TFAP2D: variants seen among roughly 807,000 people sequenced by gnomAD.
The protein encoded by TFAP2D is transcription factor AP-2-delta.
A neutral mutation model predicts 43.6 loss-of-function variants in TFAP2D; 9 were observed. That is an observed-to-expected ratio of 0.21 (90% CI 0.12 to 0.36). TFAP2D has a LOEUF of 0.36. Ranked by LOEUF, TFAP2D falls within the 10% of genes least tolerant of loss-of-function variation. The pLI is 1.00. For missense variants in TFAP2D, 513 were observed against 561.4 expected, an observed-to-expected ratio of 0.91 and a Z score of 0.87; for synonymous variants, 256 against 224.9, an observed-to-expected ratio of 1.14 and a Z score of -1.24.
At chr6:50,765,262 T>A (rs1272315873) in intron 7 of TFAP2D, among the ~76,000 whole-genome samples, 2 of 152,204 alleles carry the variant, frequency 1.3e-5, no homozygotes, top group Non-Finnish European at 2.9e-5. Context: ...AAAATTGCCT[T>A]CTTTGTTATG....
At chr6:50,754,344 ATGTGTG>A (rs146556247) in intron 7 of TFAP2D, among the ~76,000 whole-genome samples, 1 of 148,186 alleles carries the variant, frequency 6.7e-6, no homozygotes, top group Non-Finnish European at 1.5e-5. Context: ...GTGTGTGTGT[ATGTGTG>A]TGTGTGTGTG....
Position 50,740,472 on chromosome 6 carries a change from C to T in TFAP2D, c.884-4635C>T, listed in dbSNP as rs1174720651. Among the ~76,000 whole-genome samples the T allele has an allele frequency of 2.6e-5, 4 of 152,048 alleles. No individual in the cohort carries two copies. The East Asian group carries it at 5.8e-4, about 22-fold the overall frequency. On this transcript the variant is annotated intron_variant, in intron 5 of 7. Transcript: ENST00000008391. ...GTTTTGAGATGTAGTCTCACTTTGT[C>T]GCCCAGGCTGGAGTGTAGTGGCACA...
At chr6:50,763,019 C>A (rs1244064154) in intron 7 of TFAP2D, among the ~76,000 whole-genome samples, 1 of 152,012 alleles carries the variant, frequency 6.6e-6, no homozygotes, top group Non-Finnish European at 1.5e-5. Flanking sequence ...ATGAATAGCC[C>A]TTCAGTCAGA....
chr6:50,714,173 C>A (rs1388212280), intron 1 of TFAP2D, 79 bp downstream of exon 1: 1 of 1,389,408 alleles, frequency 7.2e-7, no homozygotes, highest in Non-Finnish European at 9.9e-7. Context: ...GTGGCGGCGG[C>A]GGTGGCAGCC....
intron 2 of TFAP2D, among the ~76,000 whole-genome samples, chr6:50,716,821 C>T (rs556972436): frequency 3.3e-4 from 51 of 152,272 alleles, no homozygotes; most frequent in African/African-American, 9.9e-4. Flanking sequence ...AAGTTGGAGA[C>T]GTAAGAGATC....
chr6:50,719,048 A>G lies in TFAP2D; in HGVS notation c.538-42A>G, dbSNP rs546241921. ...CTTTACCTACGTGGTCATGCATATG[A>G]GTATCCATTTAAGTAATTTTATTTC... On this transcript the variant is annotated intron_variant, in intron 2 of 7. Coordinates refer to ENST00000008391, the MANE Select transcript of TFAP2D (RefSeq NM_172238.4). 3.1e-6 allele frequency: 5 copies of G among 1,592,014 alleles called. No individual in the cohort carries two copies. The East Asian group carries it at 1.1e-4, about 36-fold the overall frequency.
chr6:50,758,188 A>T (rs1040278215), intron 7 of TFAP2D, among the ~76,000 whole-genome samples: 2 of 151,840 alleles, frequency 1.3e-5, no homozygotes, highest in Non-Finnish European at 1.5e-5. Context: ...GGAAATAAGG[A>T]ATGTATAGAC....
intron 5 of TFAP2D, among the ~76,000 whole-genome samples, chr6:50,733,036 T>A (rs1383006382): frequency 6.6e-6 from 1 of 152,046 alleles, no homozygotes. Flanking sequence ...AATTCACAAC[T>A]TTTCTGTTAC....
In TFAP2D at chr6:50,717,638, C is replaced by G. The variant is rs550114920; in HGVS notation, c.538-1452C>G. ...GAAATATAGTACTGTGTGTGATATA[C>G]GTTTATACCTTTACATAGATATATC... On this transcript the variant is annotated intron_variant, in intron 2 of 7. Transcript: ENST00000008391. 2.6e-5 allele frequency among the ~76,000 whole-genome samples: 4 copies of G among 152,222 alleles called. No homozygotes were observed. The East Asian group carries it at 7.7e-4, about 29-fold the overall frequency.
chr6:50,772,261 G>A (rs1458125605), intron 7 of TFAP2D, among the ~76,000 whole-genome samples: 2 of 152,052 alleles, frequency 1.3e-5, no homozygotes, highest in East Asian at 1.9e-4. Context: ...GGAGGGGGGA[G>A]GGATAGCATT....
rs1768571001 is a variant in TFAP2D at position 50,713,981 on chromosome 6, G to T, written c.-75G>T. On this transcript the variant is annotated 5_prime_UTR_variant, in exon 1 of 8. Coordinates refer to ENST00000008391, the MANE Select transcript of TFAP2D (RefSeq NM_172238.4). ...TTCCTTTAAAAATTGGAAAATACAA[G>T]AAGTTTGGATTTTTTTTTCCCGATT... 1 of 1,589,416 alleles carries T rather than the reference G, an allele frequency of 6.3e-7. No individual in the cohort carries two copies. The highest frequency in any genetic ancestry group is 1.4e-5 in the African/African-American group (1 of 73,672).
intron 7 of TFAP2D, among the ~76,000 whole-genome samples, chr6:50,757,987 T>C (rs1769313156): frequency 6.6e-6 from 1 of 150,916 alleles, no homozygotes; most frequent in African/African-American, 2.4e-5. Context: ...TGTAAATAAA[T>C]GTAGATTATA....
intron 3 of TFAP2D, among the ~76,000 whole-genome samples, chr6:50,725,679 CTCA>C (rs1384482835): frequency 4.6e-5 from 7 of 152,148 alleles, no homozygotes; most frequent in Admixed American, 3.3e-4. Context: ...TCTTTGAGAT[CTCA>C]TCATTACCAT....
intron 7 of TFAP2D, among the ~76,000 whole-genome samples, chr6:50,763,164 A>C (rs910917611): frequency 6.6e-6 from 1 of 152,200 alleles, no homozygotes; most frequent in Admixed American, 6.6e-5. Context: ...GTTTTTCAGA[A>C]CTTTGGTTCT....
At chr6:50,752,138 A>G (rs1371406499) in intron 7 of TFAP2D, among the ~76,000 whole-genome samples, 3 of 151,934 alleles carry the variant, frequency 2.0e-5, no homozygotes, top group Non-Finnish European at 4.4e-5. Context: ...ACCACACAAG[A>G]GCATGAAATG....
At chr6:50,721,742 C>G (rs369183424) in intron 3 of TFAP2D, among the ~76,000 whole-genome samples, 2 of 152,244 alleles carry the variant, frequency 1.3e-5, no homozygotes, top group African/African-American at 4.8e-5. Flanking sequence ...CATGCTTGAC[C>G]CACCACATGA....
chr6:50,723,558 A>G (rs1393965557), intron 3 of TFAP2D, among the ~76,000 whole-genome samples: 4 of 152,190 alleles, frequency 2.6e-5, no homozygotes, highest in Admixed American at 2.6e-4. Context: ...AGAGCCAGAG[A>G]TACACCTCAA....
Position 50,715,484 on chromosome 6 carries a change from C to T in TFAP2D, c.408C>T (p.Cys136=), listed in dbSNP as rs1419451858. The change falls in exon 2 of 8, where the codon TGC becomes TGT. Residue 136 remains cysteine (C), a synonymous_variant. Transcript: ENST00000008391. Reference sequence around the variant, plus strand: ...ACGAGCAGAGGCGGGAGCTGGGCTGCCTCGATGCCTACCGCCGCCATGACC... The same window carrying T: ...ACGAGCAGAGGCGGGAGCTGGGCTGTCTCGATGCCTACCGCCGCCATGACC... ...CLDEQRRELG[C]LDAYRRHDLS... is the part of the protein sequence containing the mutation. 4.3e-6 allele frequency: 7 copies of T among 1,613,834 alleles called. No individual in the cohort carries two copies. Among genetic ancestry groups the T allele is most frequent in the Non-Finnish European group, 4.2e-6 (5 of 1,180,034 alleles).
Position 50,728,915 on chromosome 6 carries a change from C to T in TFAP2D, c.658C>T (p.Leu220Phe). 6.2e-7 allele frequency: 1 copy of T among 1,614,074 alleles called. No homozygotes were observed. The highest frequency in any genetic ancestry group is 8.5e-7 in the Non-Finnish European group (1 of 1,179,954). The change falls in exon 4 of 8, where the codon CTT becomes TTT. Residue 220 changes from leucine to phenylalanine, a missense_variant. Leu to Phe is a conservative substitution (Grantham distance 22). Around this residue, in one of 3 missense-constraint regions of TFAP2D, gnomAD observed 311 missense variants for 316.2 expected, o/e 0.98. Transcript: ENST00000008391. The part of the protein sequence containing the change: ...LFCSVPGRLS[L>F]LSSTSKYKVT... The stretch of plus-strand genomic sequence containing the variant: ...TTGCTCTGTCCCTGGCCGTTTGTCC[C>T]TTCTTAGTTCTACTTCCAAATACAA...
Sources: gnomAD v4.1 joint callset for allele counts (sites outside exome capture counted in the v4.1 genomes callset) on GRCh38, gnomAD v4.1.1 for gene constraint, gnomAD v4.1.1 regional missense constraint, MANE v1.5 for transcripts, NCBI Gene and HGNC (gene_info 2026-07-23, HGNC 2026-07-21) for gene names.